The following BLTP2 variants were observed in gnomAD, a reference collection of about 807,000 sequenced individuals.
The protein encoded by BLTP2 is bridge-like lipid transfer protein family member 2.
chr17:28,617,427 C>G, the BLTP2 span: 1 of 702,416 alleles, frequency 1.4e-6, no homozygotes. Context: ...TGCCTAATCC[C>G]AACCTTGAGA....
At chr17:28,635,181 G>T in the BLTP2 span, 1 of 1,613,918 alleles carries the variant, frequency 6.2e-7, no homozygotes, top group South Asian at 1.1e-5. Flanking sequence ...AGGGGTTCCG[G>T]TGGAGGATCA....
At chr17:28,632,276 T>A in the BLTP2 span, 13 of 1,553,012 alleles carry the variant, frequency 8.4e-6, no homozygotes, top group Non-Finnish European at 1.1e-5. Flanking sequence ...TAGTTATGGA[T>A]GAAACACAGA....
chr17:28,631,132 G>A, the BLTP2 span, among the ~76,000 whole-genome samples: 3 of 152,218 alleles, frequency 2.0e-5, no homozygotes, highest in Non-Finnish European at 4.4e-5. Flanking sequence ...TGTGGAGATG[G>A]GCCTTTGGGA....
chr17:28,621,487 G>C, the BLTP2 span: 1 of 1,613,792 alleles, frequency 6.2e-7, no homozygotes, highest in Non-Finnish European at 8.5e-7. Flanking sequence ...GGTGCTCCTC[G>C]ATATTCTTCA....
the BLTP2 span, among the ~76,000 whole-genome samples, chr17:28,630,751 T>C: frequency 2.6e-5 from 4 of 152,082 alleles, no homozygotes; most frequent in Non-Finnish European, 5.9e-5. Flanking sequence ...CCCAAAGTGC[T>C]GGGATTACAG....
the BLTP2 span, chr17:28,618,672 AT>A: frequency 1.3e-6 from 1 of 743,070 alleles, no homozygotes. Flanking sequence ...TAATGATACT[AT>A]CATTAATAAT....
chr17:28,635,742 A>G, the BLTP2 span: 6 of 855,658 alleles, frequency 7.0e-6, no homozygotes, highest in Non-Finnish European at 1.1e-5. Flanking sequence ...TAATCACATT[A>G]ATTACTGCCT....
At chr17:28,615,408 A>G in the BLTP2 span, among the ~76,000 whole-genome samples, 1 of 152,270 alleles carries the variant, frequency 6.6e-6, no homozygotes, top group East Asian at 1.9e-4. Flanking sequence ...CAGTCTAATT[A>G]TAACCCCTTC....
chr17:28,625,400 A>G, the BLTP2 span, among the ~76,000 whole-genome samples: 2 of 150,356 alleles, frequency 1.3e-5, no homozygotes, highest in African/African-American at 4.8e-5. Flanking sequence ...ATGGAAAAAT[A>G]CATAAAAATA....
At chr17:28,615,019 T>G in the BLTP2 span, 17 of 1,559,402 alleles carry the variant, frequency 1.1e-5, no homozygotes, top group Admixed American at 1.8e-5. Flanking sequence ...CCCTGGAGCC[T>G]GAGCCAGAGT....
chr17:28,642,820 C>T, the BLTP2 span: 1 of 1,071,244 alleles, frequency 9.3e-7, no homozygotes, highest in Non-Finnish European at 1.4e-6. Context: ...CCTGAAGCAA[C>T]TCTGAGGCAA....
chr17:28,634,122 G>C, the BLTP2 span: 1 of 1,585,372 alleles, frequency 6.3e-7, no homozygotes, highest in Non-Finnish European at 8.6e-7. Context: ...TGGCTACTCA[G>C]GGGCAGTCTG....
chr17:28,627,584 T>C, the BLTP2 span, among the ~76,000 whole-genome samples: 55 of 152,088 alleles, frequency 3.6e-4, no homozygotes, highest in Admixed American at 6.6e-4. Context: ...TTTTTTTGTA[T>C]TTTTAGTAGA....
chr17:28,624,447 C>T, the BLTP2 span: 10 of 1,519,600 alleles, frequency 6.6e-6, no homozygotes, highest in Non-Finnish European at 8.1e-6. Context: ...AAGACTTTTC[C>T]CTTTCCAGAG....
chr17:28,633,660 G>A, the BLTP2 span: 1 of 1,614,114 alleles, frequency 6.2e-7, no homozygotes, highest in South Asian at 1.1e-5. Context: ...GGTCAGCTGA[G>A]GGCTTGGTCA....
the BLTP2 span, chr17:28,633,906 T>C: frequency 6.2e-6 from 10 of 1,613,962 alleles, no homozygotes; most frequent in South Asian, 3.3e-5. Context: ...GTGAAAGTCA[T>C]GGTAGAATTT....
chr17:28,616,394 A>C, the BLTP2 span: 1 of 1,614,176 alleles, frequency 6.2e-7, no homozygotes, highest in Non-Finnish European at 8.5e-7. This position sits in a 1 kb window ranked among gnomAD's most constrained non-coding sequence, Gnocchi z 4.8. Context: ...GCGATTTGCG[A>C]AATGACCTTC....
the BLTP2 span, chr17:28,638,436 G>A: frequency 6.2e-7 from 1 of 1,610,434 alleles, no homozygotes; most frequent in Non-Finnish European, 8.5e-7. Context: ...GTGAGAAAGA[G>A]GGATTGCATG....
chr17:28,620,033 G>A, the BLTP2 span: 2 of 1,596,728 alleles, frequency 1.3e-6, no homozygotes, highest in Non-Finnish European at 1.7e-6. Flanking sequence ...AATGGAAAGG[G>A]AAATGAATAT....
Sources: allele counts gnomAD v4.1 joint callset (sites outside exome capture counted in the v4.1 genomes callset), GRCh38; gene constraint gnomAD v4.1.1; non-coding constraint Gnocchi (gnomAD v3.1); transcripts MANE v1.5; gene names NCBI Gene and HGNC (gene_info 2026-07-23, HGNC 2026-07-21).